The following MYL6B variants were observed in gnomAD, a reference collection of about 807,000 sequenced individuals.
The protein encoded by MYL6B is myosin light chain 6B, also known as myosin alkali light chain 1 slow a.
A neutral mutation model predicts 24.5 loss-of-function variants in MYL6B; 19 were observed. The observed-to-expected ratio is 0.78, with a 90% CI of 0.54 to 1.14. The LOEUF (loss-of-function observed/expected upper bound fraction) is 1.14. MYL6B is among the 50% of genes most tolerant of loss of function. The pLI is 0.00. For missense variants in MYL6B, 230 were observed against 263.8 expected (o/e 0.87, Z 0.89); for synonymous variants, 90 against 100.7 (o/e 0.89, Z 0.64).
intron 6 of MYL6B, 47 bp downstream of exon 6, chr12:56,157,592 C>T: frequency 5.0e-6 from 8 of 1,613,034 alleles, no homozygotes; most frequent in Non-Finnish European, 6.8e-6. Context: ...GGAGGGCAGC[C>T]TGGCGTCTTG....
chr12:56,153,957 A>C (rs1317521385), exon 2 of MYL6B: 1 of 1,613,860 alleles, frequency 6.2e-7, no homozygotes, highest in East Asian at 2.2e-5. Flanking sequence ...AGAAACCAGC[A>C]GGGCCCTCCA....
chr12:56,157,216 G>A, intron 5 of MYL6B: 2 of 443,260 alleles, frequency 4.5e-6, no homozygotes, highest in East Asian at 4.4e-5. Flanking sequence ...CCAACATGGC[G>A]AAACCTCGTC....
intron 5 of MYL6B, among the ~76,000 whole-genome samples, chr12:56,156,554 G>A (rs1191125532): frequency 6.6e-6 from 1 of 151,652 alleles, no homozygotes; most frequent in Admixed American, 6.6e-5. Context: ...GCGGTGAGCC[G>A]AGACCGTGCC....
chr12:56,154,273 G>T (rs750013242), intron 2 of MYL6B, among the ~76,000 whole-genome samples, 181 bp downstream of exon 2: 4 of 152,182 alleles, frequency 2.6e-5, no homozygotes, highest in Admixed American at 6.5e-5. Flanking sequence ...TGTCTTTGCT[G>T]TTCTCTCCCT....
At chr12:56,153,725 T>C (rs1216770969) in intron 1 of MYL6B, 148 bp from the exon 2 acceptor site, 11 of 560,672 alleles carry the variant, frequency 2.0e-5, no homozygotes, top group Non-Finnish European at 3.3e-5. Flanking sequence ...GAAGAAGACC[T>C]TGGGGCAGGA....
At chr12:56,157,806 A>C (rs760311301) in exon 7 of MYL6B, 141 of 1,550,862 alleles carry the variant, frequency 9.1e-5, no homozygotes, top group Non-Finnish European at 1.2e-4. Flanking sequence ...CCAACATAGA[A>C]AAGCAGCGGA....
chr12:56,153,478 T>G (rs1158376851), intron 1 of MYL6B: 1 of 986,670 alleles, frequency 1.0e-6, no homozygotes, highest in Non-Finnish European at 1.2e-6. Context: ...CACTTTAACT[T>G]GTTCCAGTTC....
rs568016843 is a variant in MYL6B, at chr12:56,157,367, C to A, written c.521-101C>A. The A allele has an allele frequency of 3.6e-6, 4 of 1,123,914 alleles. No individual in the cohort carries two copies. In the African/African-American group the frequency reaches 6.2e-5, roughly 18 times the overall value. The allele number at this position is 1,123,914 out of a possible 1,614,324, so 69.6% of individuals were successfully genotyped here. A position where few individuals can be genotyped will look rare whatever the true frequency, so the allele number is the denominator to read the frequency against. On this transcript the variant is annotated intron_variant, in intron 5 of 6. Coordinates refer to ENST00000553066, the Ensembl canonical transcript of MYL6B. ...CCGCTCCACTGCACTCCAGCCTGAG[C>A]GACAGGAGCGAAACTCCGTCTCAAA...
intron 2 of MYL6B, 74 bp from the exon 3 acceptor site, chr12:56,154,739 A>C: frequency 6.5e-7 from 1 of 1,539,262 alleles, no homozygotes; most frequent in East Asian, 2.3e-5. Context: ...AGTGGCTGCC[A>C]GTTGGTTGGG....
At chr12:56,157,763 C>T in exon 7 of MYL6B, 6 of 1,606,858 alleles carry the variant, frequency 3.7e-6, no homozygotes, top group Non-Finnish European at 5.1e-6. Context: ...CTTCGCCGCG[C>T]CTTACGAGGC....
At chr12:56,154,764 G>C in intron 2 of MYL6B, 49 bp from the exon 3 acceptor site, 3 of 1,591,694 alleles carry the variant, frequency 1.9e-6, no homozygotes, top group Non-Finnish European at 2.6e-6. Flanking sequence ...GTGCGGGAGA[G>C]GGATTGAATA....
intron 5 of MYL6B, 87 bp from the exon 6 acceptor site, chr12:56,157,381 C>T (rs535557746): frequency 7.6e-7 from 1 of 1,309,998 alleles, no homozygotes; most frequent in Non-Finnish European, 1.1e-6. Flanking sequence ...AGGAGCGAAA[C>T]TCCGTCTCAA....
chr12:56,157,127 G>C, intron 5 of MYL6B: 1 of 212,330 alleles, frequency 4.7e-6, no homozygotes, highest in East Asian at 1.1e-4. Context: ...AGGCGCGGTG[G>C]CTCACGCCTG....
chr12:56,156,431 C>T (rs966433143), intron 5 of MYL6B, among the ~76,000 whole-genome samples: 8 of 150,898 alleles, frequency 5.3e-5, no homozygotes, highest in Non-Finnish European at 1.0e-4. Flanking sequence ...ATGGTGAAAC[C>T]TCGTCTCTAC....
chr12:56,157,310 G>A (rs1871360751), intron 5 of MYL6B, 158 bp from the exon 6 acceptor site: 1 of 639,864 alleles, frequency 1.6e-6, no homozygotes, highest in Non-Finnish European at 2.7e-6. Context: ...CGTGAACACG[G>A]GAGGCGGAGG....
intron 2 of MYL6B, 61 bp downstream of exon 2, chr12:56,154,153 T>C: frequency 6.7e-7 from 1 of 1,481,872 alleles, no homozygotes; most frequent in East Asian, 2.3e-5. Context: ...GGATACAGCC[T>C]AGGGGATTAG....
chr12:56,154,093 G>T lies in MYL6B; in HGVS notation c.174+1G>T. On this transcript the variant is annotated splice_donor_variant, in intron 2 of 6. Transcript: ENST00000553066. LOFTEE classifies it high-confidence loss of function. ...TCCAGTCGATCTCTCCAAAGTGGTG[G>T]TGAGTCTCTGGAAAGTGAAGATAGA... is the stretch of plus-strand genomic sequence containing the variant. 1 of 1,610,716 alleles carries T rather than the reference G, an allele frequency of 6.2e-7. No homozygotes were observed. Among genetic ancestry groups the T allele is most frequent in the Non-Finnish European group, 8.5e-7 (1 of 1,178,378 alleles).
Position 56,153,858 on chromosome 12 carries a change from T to C in MYL6B, c.-46-15T>C. 6.7e-7 allele frequency: 1 copy of C among 1,496,326 alleles called. No individual in the cohort carries two copies. The highest frequency in any genetic ancestry group is 2.3e-5 in the East Asian group (1 of 42,718). The allele number at this position is 1,496,326 out of a possible 1,614,324, so 92.7% of individuals were successfully genotyped here. On this transcript the variant is annotated splice_polypyrimidine_tract_variant and intron_variant, in intron 1 of 6. Coordinates refer to ENST00000553066, the Ensembl canonical transcript of MYL6B. Reference sequence around the variant, plus strand: ...CCGCCCCTTGACATCCCAGACTCCCTGGCTATTTAAACAGAGATGGGTGCC... The same window carrying C: ...CCGCCCCTTGACATCCCAGACTCCCCGGCTATTTAAACAGAGATGGGTGCC...
exon 5 of MYL6B, chr12:56,155,430 C>A (rs149424698): frequency 2.5e-6 from 4 of 1,614,032 alleles, no homozygotes; most frequent in African/African-American, 2.7e-5. Flanking sequence ...GCTGAAGTCG[C>A]GGCGTGTGGA....
Sources: gnomAD v4.1 joint callset for allele counts (sites outside exome capture counted in the v4.1 genomes callset) on GRCh38, gnomAD v4.1.1 for gene constraint, MANE v1.5 for transcripts, NCBI Gene and HGNC (gene_info 2026-07-23, HGNC 2026-07-21) for gene names.